The following UBL3 variants were observed in gnomAD, a reference collection of about 807,000 sequenced individuals.
UBL3 encodes ubiquitin like 3.
UBL3 carries 6 observed loss-of-function variants against 18.4 expected under a neutral mutation model. That is an observed-to-expected ratio of 0.33 (90% confidence interval 0.18 to 0.64). UBL3 has a LOEUF of 0.64. UBL3 is among the 30% of genes least tolerant of loss of function. UBL3 has a pLI of 0.76. For missense variants in UBL3, 109 were observed against 142.9 expected (o/e 0.76, Z 1.21); for synonymous variants, 49 against 46.6 (o/e 1.05, Z -0.21).
At chr13:29,777,303 AT>A in intron 1 of UBL3, 40 bp from the exon 2 acceptor site, 1 of 1,519,584 alleles carries the variant, frequency 6.6e-7, no homozygotes, top group Non-Finnish European at 8.9e-7. Flanking sequence ...AAATCTAAAA[AT>A]TTTTTAAGTA....
chr13:29,772,328 T>G (rs1424427738), intron 2 of UBL3, 130 bp from the exon 3 acceptor site: 1 of 568,348 alleles, frequency 1.8e-6, no homozygotes, highest in African/African-American at 1.9e-5. Context: ...CTACTACTAT[T>G]AGAAACAGTC....
intron 1 of UBL3, among the ~76,000 whole-genome samples, chr13:29,814,275 T>A (rs1471295866): frequency 4.6e-5 from 7 of 152,080 alleles, no homozygotes; most frequent in Non-Finnish European, 8.8e-5. Flanking sequence ...ATTTTACTCA[T>A]CAGTCCTTAA....
At chr13:29,776,226 ATT>A (rs1876984533) in intron 2 of UBL3, among the ~76,000 whole-genome samples, 1 of 126,462 alleles carries the variant, frequency 7.9e-6, no homozygotes, top group South Asian at 2.6e-4. Context: ...TATATTCACT[ATT>A]TTGTGTTTTT....
chr13:29,821,291 A>C (rs1878434986), intron 1 of UBL3, among the ~76,000 whole-genome samples: 1 of 152,166 alleles, frequency 6.6e-6, no homozygotes, highest in African/African-American at 2.4e-5. Context: ...TATGTGTTTG[A>C]TTTATTACAC....
intron 1 of UBL3, among the ~76,000 whole-genome samples, chr13:29,791,228 C>A (rs946562814): frequency 1.3e-5 from 2 of 152,124 alleles, no homozygotes; most frequent in Non-Finnish European, 1.5e-5. Context: ...CTTTCAAATT[C>A]TCTCTGTCAG....
intron 1 of UBL3, among the ~76,000 whole-genome samples, chr13:29,800,916 C>CA (rs1565994472): frequency 1.3e-5 from 2 of 152,178 alleles, no homozygotes; most frequent in Admixed American, 6.5e-5. Flanking sequence ...GGGACCCCCC[C>CA]ACGGTGCAGC....
chr13:29,830,329 T>C (rs151245308), intron 1 of UBL3, among the ~76,000 whole-genome samples: 2 of 152,316 alleles, frequency 1.3e-5, no homozygotes, highest in East Asian at 1.9e-4. Flanking sequence ...CTGCAGTACA[T>C]ACAACTTATC....
chr13:29,819,938 A>G (rs891959194), intron 1 of UBL3, among the ~76,000 whole-genome samples: 1 of 152,214 alleles, frequency 6.6e-6, no homozygotes, highest in Admixed American at 6.5e-5. Context: ...CTGCAAAGAT[A>G]AAATGTCAAC....
chr13:29,792,117 G>T (rs1877494997), intron 1 of UBL3, among the ~76,000 whole-genome samples: 1 of 152,120 alleles, frequency 6.6e-6, no homozygotes, highest in South Asian at 2.1e-4. Flanking sequence ...CTTGAAAAAA[G>T]TAGGTATTTA....
At position 29,772,160 on chromosome 13, in the gene UBL3, G is replaced by A; in HGVS notation, c.175C>T (p.Arg59Ter). 6.2e-7 allele frequency: 1 copy of A among 1,611,896 alleles called. No individual in the cohort carries two copies. The highest frequency in any genetic ancestry group is 8.5e-7 in the Non-Finnish European group (1 of 1,178,684). Residue 59 changes from arginine to a stop codon, truncating the protein, a stop_gained, in exon 3 of 5, where the codon CGA becomes TGA. Coordinates refer to ENST00000380680, the MANE Select transcript of UBL3 (RefSeq NM_007106.4). LOFTEE classifies it high-confidence loss of function. The part of the protein sequence containing the change: ...EEQVSSPNIL[R>*]LIYQGRFLHG... ...AGAAATCGTCCTTGATAAATAAGTC[G>A]TAGAATATTTGGACTGCTGACCTGC...
chr13:29,846,040 T>C (rs1037915052), intron 1 of UBL3, among the ~76,000 whole-genome samples: 1 of 152,146 alleles, frequency 6.6e-6, no homozygotes, highest in Non-Finnish European at 1.5e-5. Context: ...TGCCCAGTCT[T>C]AGGCCTTATT....
chr13:29,799,820 G>A (rs1877713277), intron 1 of UBL3, among the ~76,000 whole-genome samples: 1 of 151,988 alleles, frequency 6.6e-6, no homozygotes, highest in Non-Finnish European at 1.5e-5. Context: ...TTTCTTTTAA[G>A]CCTAGAATAA....
At chr13:29,813,272 G>A (rs907531842) in intron 1 of UBL3, among the ~76,000 whole-genome samples, 5 of 151,916 alleles carry the variant, frequency 3.3e-5, no homozygotes, top group Non-Finnish European at 5.9e-5. Flanking sequence ...TGCATAGAAC[G>A]TCAGGAAACG....
chr13:29,841,260 A>ATCTC (rs10531958), intron 1 of UBL3, among the ~76,000 whole-genome samples: 5 of 149,602 alleles, frequency 3.3e-5, no homozygotes, highest in Admixed American at 6.6e-5. Context: ...CCAATAGAGA[A>ATCTC]TCTCTCTCTC....
intron 1 of UBL3, among the ~76,000 whole-genome samples, chr13:29,835,356 A>C (rs1459451660): frequency 6.6e-6 from 1 of 150,750 alleles, no homozygotes; most frequent in East Asian, 2.0e-4. Context: ...AAAACTACCC[A>C]TGCAGATGCA....
intron 1 of UBL3, among the ~76,000 whole-genome samples, chr13:29,789,648 A>G (rs1329804234): frequency 2.0e-5 from 3 of 152,384 alleles, no homozygotes; most frequent in Admixed American, 2.0e-4. Context: ...CCACCTCAGC[A>G]GGCAATGGGG....
chr13:29,797,597 C>T (rs1272459692), intron 1 of UBL3, among the ~76,000 whole-genome samples: 1 of 151,770 alleles, frequency 6.6e-6, no homozygotes, highest in Non-Finnish European at 1.5e-5. Flanking sequence ...ACATTACCTA[C>T]ATGCATTTGG....
At chr13:29,800,335 GAGTT>G (rs1877727592) in intron 1 of UBL3, among the ~76,000 whole-genome samples, 2 of 152,304 alleles carry the variant, frequency 1.3e-5, no homozygotes, top group Admixed American at 1.3e-4. Context: ...CTGACTGAAT[GAGTT>G]AGTAAGTTCT....
chr13:29,780,766 C>T (rs984170119), intron 1 of UBL3, among the ~76,000 whole-genome samples: 5 of 152,068 alleles, frequency 3.3e-5, no homozygotes, highest in African/African-American at 1.2e-4. Flanking sequence ...CTTTGTTTTC[C>T]TGTCATTCCA....
Sources: gnomAD v4.1 joint callset for allele counts (sites outside exome capture counted in the v4.1 genomes callset) on GRCh38, gnomAD v4.1.1 for gene constraint, MANE v1.5 for transcripts, NCBI Gene and HGNC (gene_info 2026-07-23, HGNC 2026-07-21) for gene names.